Variants in PAK1IP1 observed in about 807,000 individuals in gnomAD.
PAK1IP1 encodes PAK1 interacting protein 1, also known as p21-activated protein kinase-interacting protein 1.
PAK1IP1 carries 24 observed loss-of-function variants against 42.0 expected under a neutral mutation model. That is an observed-to-expected ratio of 0.57 (90% confidence interval 0.41 to 0.80). The LOEUF is 0.80. Ranked by LOEUF, PAK1IP1 falls within the 30% of genes least tolerant of loss-of-function variation. The pLI is 0.00. For synonymous variants in PAK1IP1, 154 were observed against 156.7 expected (o/e 0.98, Z 0.13); for missense variants, 411 against 467.9 (o/e 0.88, Z 1.12).
At chr6:10,704,296 A>T (rs1770133753) in intron 5 of PAK1IP1, among the ~76,000 whole-genome samples, 1 of 152,200 alleles carries the variant, frequency 6.6e-6, no homozygotes, top group South Asian at 2.1e-4. Flanking sequence ...AAGTGCTGGC[A>T]TTACAGGTGT....
chr6:10,708,012 T>C (rs775932637), intron 8 of PAK1IP1, among the ~76,000 whole-genome samples: 2 of 151,608 alleles, frequency 1.3e-5, no homozygotes, highest in Non-Finnish European at 2.9e-5. Flanking sequence ...GCCCTGGAAA[T>C]AAGACCTGAT....
intron 7 of PAK1IP1, among the ~76,000 whole-genome samples, chr6:10,705,950 T>A (rs1770190038): frequency 6.6e-6 from 1 of 152,212 alleles, no homozygotes. Context: ...CCAGATGTAC[T>A]AATAACACTT....
chr6:10,698,191 A>G (rs1009578545), intron 2 of PAK1IP1, among the ~76,000 whole-genome samples: 1 of 152,042 alleles, frequency 6.6e-6, no homozygotes, highest in Non-Finnish European at 1.5e-5. Context: ...GTAGAAGAGA[A>G]CACCTAGTTT....
upstream of PAK1IP1, among the ~76,000 whole-genome samples, chr6:10,691,558 G>C (rs189030261): frequency 6.6e-6 from 1 of 152,002 alleles, no homozygotes; most frequent in Admixed American, 6.6e-5. Flanking sequence ...GTGTGGTGCC[G>C]AGCTGTCTGC....
chr6:10,709,359 A>T lies in PAK1IP1; in HGVS notation c.1086A>T (p.Thr362=), dbSNP rs745593921. 6.2e-7 allele frequency: 1 copy of T among 1,614,088 alleles called. No individual in the cohort carries two copies. The highest frequency in any genetic ancestry group is 1.7e-5 in the Admixed American group (1 of 60,020). Residue 362 remains threonine, a synonymous_variant, in exon 10 of 10, where the codon ACA becomes ACT. Transcript: ENST00000379568. ...RGLTGDSKKA[T]KESGLISTKK... ...TAACAGGTGACAGTAAGAAAGCAACAAAAGAAAGTGGCCTGATATCAACCA... is the reference window on the plus strand; with the variant it reads ...TAACAGGTGACAGTAAGAAAGCAACTAAAGAAAGTGGCCTGATATCAACCA...
At chr6:10,692,773 C>G (rs1769455181), upstream of PAK1IP1, among the ~76,000 whole-genome samples, 1 of 152,066 alleles carries the variant, frequency 6.6e-6, no homozygotes, top group African/African-American at 2.4e-5. Flanking sequence ...ATCCGCCTGC[C>G]TAGGCCTCGC....
At chr6:10,705,859 T>C (rs1393931257) in intron 7 of PAK1IP1, among the ~76,000 whole-genome samples, 1 of 152,222 alleles carries the variant, frequency 6.6e-6, no homozygotes, top group Non-Finnish European at 1.5e-5. Context: ...AATCCATACT[T>C]AGAGTACTGC....
At chr6:10,691,636 A>G (rs572913496), upstream of PAK1IP1, among the ~76,000 whole-genome samples, 7 of 152,090 alleles carry the variant, frequency 4.6e-5, no homozygotes, top group Non-Finnish European at 8.8e-5. Context: ...GCATAAGACA[A>G]TATGAGGGGT....
rs779029025 is a variant in PAK1IP1, at chr6:10,707,468, C to T, written c.794C>T (p.Ala265Val). ...EIPEHHVIVS[A>V]SSDGFIKMWK... ...CCAGAGCATCATGTTATTGTTTCAG[C>T]ATCGAGTGATGGTTTCATCAAAATG... Residue 265 changes from alanine to valine, a missense_variant, in exon 8 of 10, where the codon GCA (alanine) becomes GTA (valine). Ala to Val is a moderately conservative substitution (Grantham distance 64). Transcript: ENST00000379568. 5.6e-6 allele frequency: 9 copies of T among 1,611,436 alleles called. No homozygotes were observed. Among genetic ancestry groups the T allele is most frequent in the Non-Finnish European group, 6.8e-6 (8 of 1,177,524 alleles).
intron 2 of PAK1IP1, among the ~76,000 whole-genome samples, chr6:10,700,305 G>A (rs796448285): frequency 2.6e-5 from 4 of 152,100 alleles, no homozygotes; most frequent in Non-Finnish European, 2.9e-5. Flanking sequence ...TGATCCGCCC[G>A]CCTCAGCCTC....
chr6:10,697,581 T>A, intron 2 of PAK1IP1, 95 bp downstream of exon 2: 1 of 974,144 alleles, frequency 1.0e-6, no homozygotes, highest in Non-Finnish European at 1.5e-6. Flanking sequence ...TTATAGCAGA[T>A]TCTTTGCTAG....
chr6:10,704,098 C>T lies in PAK1IP1; in HGVS notation c.497-409C>T, dbSNP rs2127480798. 1.3e-5 allele frequency among the ~76,000 whole-genome samples: 2 copies of T among 152,208 alleles called. 1 individual carries two copies. The highest frequency in any genetic ancestry group is 4.1e-4 in the South Asian group (2 of 4,828). ...AGTGCAGTGGCGCTATCTCAGCTCC[C>T]TACAACCTCTGCCTTCTGAGTTCGT... On this transcript the variant is annotated intron_variant, in intron 5 of 9. Coordinates refer to ENST00000379568, the MANE Select transcript of PAK1IP1 (RefSeq NM_017906.3).
chr6:10,696,021 C>A (rs1769823811), intron 1 of PAK1IP1, among the ~76,000 whole-genome samples: 1 of 151,948 alleles, frequency 6.6e-6, no homozygotes, highest in Non-Finnish European at 1.5e-5. Context: ...GTAGTCCTCA[C>A]AGCAACCCTC....
At position 10,703,863 on chromosome 6, in the gene PAK1IP1, G is replaced by A. The variant is rs1770117597; in HGVS notation, c.496+406G>A. ...TGAATATAGATATACATTTTTACAT[G>A]TGTGTATGTTACACATTTATTTCCC... On this transcript the variant is annotated intron_variant, in intron 5 of 9. Coordinates refer to ENST00000379568, the MANE Select transcript of PAK1IP1 (RefSeq NM_017906.3). 5.9e-5 allele frequency among the ~76,000 whole-genome samples: 9 copies of A among 152,270 alleles called. No homozygotes were observed. The South Asian group carries it at 1.9e-3, about 32-fold the overall frequency.
Position 10,702,574 on chromosome 6 carries a change from G to T in PAK1IP1, c.378G>T (p.Val126=). The part of the protein sequence containing the change: ...LKSIKAHKGQ[V]TFLSIHPSGK... ...TTTGGTTTCATTATAGAGGACAGGTGACCTTCCTTTCTATTCACCCATCTG... is the reference window on the plus strand; with the variant it reads ...TTTGGTTTCATTATAGAGGACAGGTTACCTTCCTTTCTATTCACCCATCTG... The change falls in exon 4 of 10, where the codon GTG becomes GTT. Residue 126 remains valine (V), a synonymous_variant. Transcript: ENST00000379568. 6.2e-7 allele frequency: 1 copy of T among 1,613,940 alleles called. No homozygotes were observed. Among genetic ancestry groups the T allele is most frequent in the South Asian group, 1.1e-5 (1 of 91,050 alleles).
Position 10,697,419 on chromosome 6 carries a change from A to T in PAK1IP1, c.180A>T (p.Lys60Asn), listed in dbSNP as rs1183140580. ...GTCGTTTTGTGGTCACTGGGAGCAAAGATGAAACAATTCACATTTATGACA... is the reference window on the plus strand; with the variant it reads ...GTCGTTTTGTGGTCACTGGGAGCAATGATGAAACAATTCACATTTATGACA... ...VNSRFVVTGS[K>N]DETIHIYDMK... Residue 60 changes from lysine (K) to asparagine (N), a missense_variant, in exon 2 of 10, where the codon AAA becomes AAT. Physicochemically the swap from Lys to Asn is moderately conservative, Grantham distance 94. Transcript: ENST00000379568. 6.2e-7 allele frequency: 1 copy of T among 1,613,976 alleles called. No homozygotes were observed. Among genetic ancestry groups the T allele is most frequent in the Non-Finnish European group, 8.5e-7 (1 of 1,179,956 alleles).
chr6:10,709,048 C>G lies in PAK1IP1; in HGVS notation c.936C>G (p.Ser312Arg). Residue 312 changes from serine (S) to arginine (R), a missense_variant, in exon 9 of 10, where the codon AGC becomes AGG. Transcript: ENST00000379568. ...WLDKVADMKE[S>R]LPPAAEPSPV... ...ACAAAGTGGCAGACATGAAAGAAAG[C>G]CTTCCTCCAGCTGCAGAGCCTTCTC... 1 of 1,613,422 alleles carries G rather than the reference C, an allele frequency of 6.2e-7. No individual in the cohort carries two copies. The highest frequency in any genetic ancestry group is 1.6e-4 in the Middle Eastern group (1 of 6,062).
intron 7 of PAK1IP1, among the ~76,000 whole-genome samples, chr6:10,706,074 C>G (rs1214441198): frequency 2.0e-5 from 3 of 152,052 alleles, no homozygotes; most frequent in African/African-American, 7.2e-5. Context: ...TCTCATGGCT[C>G]TTACATTATA....
rs751272379 is a variant in PAK1IP1, at chr6:10,694,997, C to A, written c.12C>A (p.Val4=). The change falls in exon 1 of 10, where the codon GTC becomes GTA. Residue 4 remains valine (V), a synonymous_variant. Transcript: ENST00000379568. ...ACGTGCGCTGCTGAATGGAGCTGGT[C>A]GCTGGTTGCTACGAGCAGGTCCTCT... is the stretch of plus-strand genomic sequence containing the variant. MEL[V]AGCYEQVLFG... 5 of 1,596,546 alleles carry A rather than the reference C, an allele frequency of 3.1e-6. No homozygotes were observed. In the African/African-American group the frequency reaches 4.1e-5, roughly 13 times the overall value.
Sources: allele counts gnomAD v4.1 joint callset (sites outside exome capture counted in the v4.1 genomes callset), GRCh38; gene constraint gnomAD v4.1.1; transcripts MANE v1.5; gene names NCBI Gene and HGNC (gene_info 2026-07-23, HGNC 2026-07-21).